The following RAPGEF1 variants were observed in gnomAD, a reference collection of about 807,000 sequenced individuals.
RAPGEF1 encodes the protein Rap guanine nucleotide exchange factor 1.
RAPGEF1 carries 33 observed loss-of-function variants against 143.3 expected under a neutral mutation model. That is an observed-to-expected ratio of 0.23 (90% CI 0.17 to 0.31). The LOEUF is 0.31. RAPGEF1 is among the 10% of genes least tolerant of loss of function. RAPGEF1 has a pLI of 1.00. For missense variants in RAPGEF1, 1,199 were observed against 1,645.4 expected, an observed-to-expected ratio of 0.73 and a Z score of 4.69; for synonymous variants, 629 against 676.5, an observed-to-expected ratio of 0.93 and a Z score of 1.09.
At chr9:131,586,114 G>A (rs1952682050) in intron 22 of RAPGEF1, among the ~76,000 whole-genome samples, 1 of 152,050 alleles carries the variant, frequency 6.6e-6, no homozygotes, top group South Asian at 2.1e-4. Flanking sequence ...GGGAGGTGGA[G>A]CTTGAGGGGA....
At chr9:131,611,033 C>T (rs960022494) in intron 12 of RAPGEF1, among the ~76,000 whole-genome samples, 6 of 152,184 alleles carry the variant, frequency 3.9e-5, no homozygotes, top group Non-Finnish European at 8.8e-5. Flanking sequence ...ACCTTAGGCC[C>T]AGGGGCAACT....
chr9:131,648,068 T>C (rs1441438792), intron 3 of RAPGEF1, among the ~76,000 whole-genome samples: 1 of 152,194 alleles, frequency 6.6e-6, no homozygotes, highest in Non-Finnish European at 1.5e-5. Context: ...AATTTTTCTC[T>C]GTGACCTCTC....
At chr9:131,659,231 A>G (rs1973343671) in intron 1 of RAPGEF1, among the ~76,000 whole-genome samples, 1 of 152,214 alleles carries the variant, frequency 6.6e-6, no homozygotes, top group South Asian at 2.1e-4. Flanking sequence ...CAATTTTTTA[A>G]AAGTCTTTTC....
intron 1 of RAPGEF1, among the ~76,000 whole-genome samples, chr9:131,658,337 C>T (rs1237304873): frequency 6.6e-6 from 1 of 152,156 alleles, no homozygotes; most frequent in African/African-American, 2.4e-5. Context: ...AGAAAGGACA[C>T]AAAAGTCCTC....
At chr9:131,727,928 G>A (rs929309463) in intron 1 of RAPGEF1, among the ~76,000 whole-genome samples, 2 of 152,210 alleles carry the variant, frequency 1.3e-5, no homozygotes, top group African/African-American at 4.8e-5. Context: ...TGAGGCAGAA[G>A]CACAAATTAG....
rs536545781 is a variant in RAPGEF1, at chr9:131,675,204, C to T, written c.62-24255G>A. Among the ~76,000 whole-genome samples the T allele has an allele frequency of 5.3e-5, 8 of 152,102 alleles. No individual in the cohort carries two copies. The highest frequency in any genetic ancestry group is 4.2e-4 in the South Asian group (2 of 4,814). On this transcript the variant is annotated intron_variant, in intron 1 of 26. Coordinates refer to ENST00000683357, the MANE Select transcript of RAPGEF1 (RefSeq NM_001377935.1). This position sits in a 1 kb window ranked among gnomAD's most constrained non-coding sequence, Gnocchi z 4.6. ...TTGGCTGGATTTGCGCTGTATTTCT[C>T]GTGGGGATGAGGCACGGACCGAGGG...
intron 1 of RAPGEF1, among the ~76,000 whole-genome samples, chr9:131,685,154 GCT>G (rs1327960073): frequency 6.6e-6 from 1 of 152,214 alleles, no homozygotes; most frequent in African/African-American, 2.4e-5. Context: ...ACACTTGGAA[GCT>G]CTGTGATTTC....
intron 12 of RAPGEF1, among the ~76,000 whole-genome samples, chr9:131,608,692 T>C (rs1336475704): frequency 6.6e-6 from 1 of 152,198 alleles, no homozygotes; most frequent in Non-Finnish European, 1.5e-5. Flanking sequence ...GAAAGGTACC[T>C]TCACGGGGCA....
chr9:131,602,194 C>T (rs1247043829), intron 14 of RAPGEF1, 45 bp from the exon 15 acceptor site: 11 of 1,421,986 alleles, frequency 7.7e-6, no homozygotes, highest in East Asian at 5.0e-5. Context: ...GGGCCCTCTG[C>T]GGGGCTGCTC....
At chr9:131,676,301 C>G (rs1832346647) in intron 1 of RAPGEF1, among the ~76,000 whole-genome samples, 1 of 152,212 alleles carries the variant, frequency 6.6e-6, no homozygotes, top group African/African-American at 2.4e-5. Context: ...AGTGAAGGGT[C>G]CCTCAAGTGT....
chr9:131,629,092 A>G lies in RAPGEF1; in HGVS notation c.893+10T>C. On this transcript the variant is annotated intron_variant, in intron 7 of 26. Coordinates refer to ENST00000683357, the MANE Select transcript of RAPGEF1 (RefSeq NM_001377935.1). ...CATGGGAGGCACTGGACAAATAGGA[A>G]GGTAATTACCTATTATCAACCACCC... is the stretch of plus-strand genomic sequence containing the variant. 6.2e-7 allele frequency: 1 copy of G among 1,610,862 alleles called. No homozygotes were observed. Among genetic ancestry groups the G allele is most frequent in the Non-Finnish European group, 8.5e-7 (1 of 1,178,078 alleles).
chr9:131,586,882 C>T (rs1444017059), intron 22 of RAPGEF1, among the ~76,000 whole-genome samples: 1 of 72,122 alleles, frequency 1.4e-5, no homozygotes, highest in African/African-American at 6.4e-5. Context: ...AGCGAGACTC[C>T]GTCTCAAACA....
In RAPGEF1 at chr9:131,628,505, A is replaced by AC. The variant is rs1554829368; in HGVS notation, c.1017+43dup. On this transcript the variant is annotated intron_variant, in intron 8 of 26. Coordinates refer to ENST00000683357, the MANE Select transcript of RAPGEF1 (RefSeq NM_001377935.1). This position sits in a 1 kb window ranked among gnomAD's most constrained non-coding sequence, Gnocchi z 5.7. Reference sequence around the variant, plus strand: ...CAGGAGCCACATCCCTGAGCCCCCCACCCCCTCCCTGCCTTCCCATGCAGG... The same window carrying AC: ...CAGGAGCCACATCCCTGAGCCCCCCACCCCCCTCCCTGCCTTCCCATGCAGG... 6.3e-7 allele frequency: 1 copy of AC among 1,597,182 alleles called. No homozygotes were observed. Among genetic ancestry groups the AC allele is most frequent in the Non-Finnish European group, 8.6e-7 (1 of 1,168,450 alleles).
intron 1 of RAPGEF1, among the ~76,000 whole-genome samples, chr9:131,663,929 T>C (rs542602038): frequency 1.3e-5 from 2 of 152,350 alleles, no homozygotes; most frequent in South Asian, 2.1e-4. Flanking sequence ...ATTTTACTGG[T>C]GGTTACACAT....
chr9:131,733,354 C>T (rs977301356), intron 1 of RAPGEF1, among the ~76,000 whole-genome samples: 1 of 24,992 alleles, frequency 4.0e-5, no homozygotes, highest in Non-Finnish European at 8.0e-5. Flanking sequence ...TTAAAAAAGC[C>T]GGGGCGGGGG....
chr9:131,592,025 T>C (rs1368602115), intron 18 of RAPGEF1, 74 bp downstream of exon 18: 58 of 1,200,776 alleles, frequency 4.8e-5, no homozygotes, highest in Non-Finnish European at 6.9e-5. Context: ...CCACGAGGAC[T>C]GAAGGGCAAG....
In RAPGEF1 at chr9:131,650,588, AAGG is replaced by A. The variant is rs1970837358; in HGVS notation, c.201+219_201+221del. On this transcript the variant is annotated intron_variant, in intron 2 of 26. Transcript: ENST00000683357. This position sits in a 1 kb window ranked among gnomAD's most constrained non-coding sequence, Gnocchi z 4.7. ...TGCCCAGAGGATGACACAGCTGGAA[AAGG>A]AGAACTGTCTTAGCCAACTGAGCTT... Among the ~76,000 whole-genome samples, 2 of 152,332 alleles carry A rather than the reference AAGG, an allele frequency of 1.3e-5. No individual in the cohort carries two copies. The highest frequency in any genetic ancestry group is 4.1e-4 in the South Asian group (2 of 4,830).
At chr9:131,737,436 G>T (rs1219999614) in intron 1 of RAPGEF1, 1 of 1,613,758 alleles carries the variant, frequency 6.2e-7, no homozygotes, top group Non-Finnish European at 8.5e-7. Context: ...CGCTCGGTCT[G>T]GCAGCCTGGG....
intron 25 of RAPGEF1, 149 bp from the exon 26 acceptor site, chr9:131,580,540 G>C: frequency 1.0e-6 from 1 of 993,310 alleles, no homozygotes; most frequent in Non-Finnish European, 1.4e-6. Flanking sequence ...CTGTTTCCCA[G>C]AACAAACTCC....
Sources: gnomAD v4.1 joint callset for allele counts (sites outside exome capture counted in the v4.1 genomes callset) on GRCh38, gnomAD v4.1.1 for gene constraint, Gnocchi (gnomAD v3.1) non-coding constraint, MANE v1.5 for transcripts, NCBI Gene and HGNC (gene_info 2026-07-23, HGNC 2026-07-21) for gene names.